Variants in PYROXD1 observed in about 807,000 individuals in gnomAD.
The protein encoded by PYROXD1 is pyridine nucleotide-disulphide oxidoreductase domain 1.
In PYROXD1, 42 loss-of-function variants were observed where a neutral mutation model predicts 62.0. That is an observed-to-expected ratio of 0.68 (90% CI 0.53 to 0.88). The LOEUF (loss-of-function observed/expected upper bound fraction) is 0.88. Ranked by LOEUF, PYROXD1 falls within the 40% of genes least tolerant of loss-of-function variation. The pLI, the probability that PYROXD1 is intolerant of heterozygous loss-of-function variation, is 0.00. For missense variants in PYROXD1, 493 were observed against 604.8 expected (o/e 0.82, Z 1.94); for synonymous variants, 170 against 206.4 (o/e 0.82, Z 1.51).
In PYROXD1 at chr12:21,455,188, A is replaced by T; in HGVS notation, c.545A>T (p.Asn182Ile). ...IWAIKDKAIG[N>I]TFFDAGAAEF... ...GCCATTAAAGATAAAGCTATAGGGA[A>T]TACTTTCTTCGATGCAGGAGCAGCT... Residue 182 changes from asparagine to isoleucine, a missense_variant, in exon 6 of 12, where the codon AAT (asparagine) becomes ATT (isoleucine). Coordinates refer to ENST00000240651, the MANE Select transcript of PYROXD1 (RefSeq NM_024854.5). 1.9e-6 allele frequency: 3 copies of T among 1,571,256 alleles called. No individual in the cohort carries two copies. Among genetic ancestry groups the T allele is most frequent in the Non-Finnish European group, 2.6e-6 (3 of 1,158,548 alleles).
At chr12:21,443,851 A>T (rs936713284) in intron 2 of PYROXD1, among the ~76,000 whole-genome samples, 28 of 152,300 alleles carry the variant, frequency 1.8e-4, no homozygotes, top group African/African-American at 6.7e-4. Context: ...AGAGATACAT[A>T]TGATAGCTTA....
chr12:21,445,317 A>G (rs1425406838), intron 2 of PYROXD1, 30 bp from the exon 3 acceptor site: 2 of 1,502,328 alleles, frequency 1.3e-6, no homozygotes, highest in Admixed American at 2.3e-5. Flanking sequence ...CTTTAAAAAT[A>G]TACATTTTTA....
In PYROXD1 at chr12:21,467,602, A is replaced by C. The variant is rs757948948; in HGVS notation, c.1238A>C (p.Lys413Thr). The C allele has an allele frequency of 1.9e-6, 3 of 1,610,944 alleles. No homozygotes were observed. The highest frequency in any genetic ancestry group is 1.7e-4 in the Middle Eastern group (1 of 6,044). ...FSFELFAHVT[K>T]FFNYKVVLLG... ...TTTGAACTGTTTGCTCATGTGACAA[A>C]ATTTTTTAACTATAAGGTAAGATAG... Residue 413 changes from lysine to threonine, a missense_variant, in exon 11 of 12, where the codon AAA becomes ACA. Transcript: ENST00000240651.
chr12:21,462,471 AAAG>A (rs906702328), intron 9 of PYROXD1, among the ~76,000 whole-genome samples: 2 of 152,280 alleles, frequency 1.3e-5, no homozygotes, highest in East Asian at 1.9e-4. Context: ...AAAAAAAAAA[AAAG>A]AATATTCTTG....
chr12:21,453,011 A>G (rs987768369), intron 5 of PYROXD1, among the ~76,000 whole-genome samples: 1 of 151,982 alleles, frequency 6.6e-6, no homozygotes, highest in Non-Finnish European at 1.5e-5. Flanking sequence ...CATTATTGTT[A>G]TTATGAAGTT....
chr12:21,468,379 A>C, intron 11 of PYROXD1, 127 bp from the exon 12 acceptor site: 4 of 814,774 alleles, frequency 4.9e-6, no homozygotes, highest in Non-Finnish European at 7.8e-6. Flanking sequence ...TCTCCCCAAT[A>C]ACATTTTTAG....
intron 1 of PYROXD1, 29 bp downstream of exon 1, chr12:21,437,843 C>G: frequency 1.3e-6 from 2 of 1,595,142 alleles, no homozygotes; most frequent in Non-Finnish European, 8.6e-7. Context: ...GGTTCCGCCT[C>G]TTTCCCCGAC....
At chr12:21,457,735 C>T (rs1055433635) in intron 7 of PYROXD1, among the ~76,000 whole-genome samples, 3 of 148,064 alleles carry the variant, frequency 2.0e-5, no homozygotes, top group African/African-American at 7.5e-5. Context: ...CACCTTTAAA[C>T]AACCAGATCT....
At chr12:21,462,336 G>A (rs1942713749) in intron 9 of PYROXD1, among the ~76,000 whole-genome samples, 4 of 151,946 alleles carry the variant, frequency 2.6e-5, no homozygotes, top group Admixed American at 2.6e-4. Flanking sequence ...ATCAGTAATG[G>A]TTTATAATGT....
chr12:21,440,241 A>G (rs754652804), intron 1 of PYROXD1, 127 bp from the exon 2 acceptor site: 2 of 572,094 alleles, frequency 3.5e-6, no homozygotes, highest in Non-Finnish European at 6.2e-6. Flanking sequence ...TTAGATGAGG[A>G]ACAGTGGGTT....
chr12:21,451,336 C>T (rs900434838), intron 4 of PYROXD1, among the ~76,000 whole-genome samples: 5 of 151,746 alleles, frequency 3.3e-5, no homozygotes, highest in Non-Finnish European at 5.9e-5. Context: ...TGGTGTGCTG[C>T]ACCCTTTAAC....
rs149739786 is a variant in PYROXD1, at chr12:21,449,592, C to T, written c.315C>T (p.His105=). 75 of 1,612,608 alleles carry T rather than the reference C, an allele frequency of 4.7e-5. No homozygotes were observed. In the East Asian group the frequency reaches 1.3e-3, roughly 27 times the overall value. The change falls in exon 4 of 12, where the codon CAC becomes CAT. Residue 105 remains histidine (H), a synonymous_variant. Coordinates refer to ENST00000240651, the MANE Select transcript of PYROXD1 (RefSeq NM_024854.5). ...TTGTAACAGAAGATGGCAATCAGCA[C>T]GTATATAAGAAACTCTGTCTGTGTG... The part of the protein sequence containing the change: ...HCIVTEDGNQ[H]VYKKLCLCAG...
chr12:21,465,590 C>T (rs1942778012), intron 10 of PYROXD1, among the ~76,000 whole-genome samples: 2 of 151,794 alleles, frequency 1.3e-5, no homozygotes, highest in African/African-American at 4.8e-5. Flanking sequence ...GAGTAGGTTG[C>T]AAAAATTTTC....
At chr12:21,455,667 G>A (rs1279149634) in intron 6 of PYROXD1, among the ~76,000 whole-genome samples, 1 of 151,270 alleles carries the variant, frequency 6.6e-6, no homozygotes, top group Non-Finnish European at 1.5e-5. Flanking sequence ...AATTAAACAA[G>A]AGTTTTGTAC....
At chr12:21,439,849 C>T (rs374459772) in intron 1 of PYROXD1, among the ~76,000 whole-genome samples, 5 of 152,234 alleles carry the variant, frequency 3.3e-5, no homozygotes, top group South Asian at 4.1e-4. Context: ...ATTAAAATGG[C>T]TTTATCGTCC....
chr12:21,460,691 C>G (rs560422394), intron 7 of PYROXD1, among the ~76,000 whole-genome samples: 2 of 152,258 alleles, frequency 1.3e-5, no homozygotes, highest in South Asian at 4.1e-4. Context: ...TCCCAGAGTG[C>G]TGGGATTACA....
At chr12:21,448,243 C>A (rs1238704481) in intron 3 of PYROXD1, 1 of 445,048 alleles carries the variant, frequency 2.2e-6, no homozygotes, top group Non-Finnish European at 4.3e-6. Context: ...TGAAATGCTA[C>A]TGTGCTTCCC....
chr12:21,438,984 G>A (rs921895437), intron 1 of PYROXD1, among the ~76,000 whole-genome samples: 1 of 152,194 alleles, frequency 6.6e-6, no homozygotes, highest in African/African-American at 2.4e-5. Context: ...TGCCTGTGGA[G>A]TATGTAGGGA....
intron 10 of PYROXD1, among the ~76,000 whole-genome samples, chr12:21,463,574 C>A (rs1591956204): frequency 6.6e-6 from 1 of 152,046 alleles, no homozygotes; most frequent in African/African-American, 2.4e-5. Context: ...CGTCTGTAAT[C>A]CCAGCTATTC....
Sources: gnomAD v4.1 joint callset for allele counts (sites outside exome capture counted in the v4.1 genomes callset) on GRCh38, gnomAD v4.1.1 for gene constraint, MANE v1.5 for transcripts, NCBI Gene and HGNC (gene_info 2026-07-23, HGNC 2026-07-21) for gene names.